Variants in AEBP2 observed in about 807,000 individuals in gnomAD.
The protein encoded by AEBP2 is AE binding protein 2, also known as zinc finger protein AEBP2.
In AEBP2, 10 loss-of-function variants were observed where a neutral mutation model predicts 50.8. The ratio of observed to expected loss-of-function variants is 0.20; its 90% CI spans 0.12 to 0.33. AEBP2 has a LOEUF of 0.33. Ranked by LOEUF, AEBP2 falls within the 10% of genes least tolerant of loss-of-function variation. The pLI, the probability that AEBP2 is intolerant of heterozygous loss-of-function variation, is 1.00. For missense variants in AEBP2, 570 were observed against 688.0 expected (o/e 0.83, Z 1.92); for synonymous variants, 296 against 261.3 (o/e 1.13, Z -1.28).
intron 2 of AEBP2, among the ~76,000 whole-genome samples, chr12:19,463,216 A>G (rs1948409251): frequency 6.6e-6 from 1 of 152,206 alleles, no homozygotes; most frequent in Non-Finnish European, 1.5e-5. Context: ...GCTGATTTAG[A>G]TGGAAAGTTC....
At chr12:19,500,718 T>C (rs139955959) in intron 5 of AEBP2, among the ~76,000 whole-genome samples, 179 of 152,322 alleles carry the variant, frequency 1.2e-3, no homozygotes, top group Non-Finnish European at 2.1e-3. Flanking sequence ...GATTTTAGTC[T>C]CTTTTGTTCC....
chr12:19,412,605 T>TA (rs1592702034), intron 1 of AEBP2, among the ~76,000 whole-genome samples: 9 of 151,934 alleles, frequency 5.9e-5, no homozygotes, highest in Admixed American at 5.9e-4. Flanking sequence ...TTATTATTAT[T>TA]TTTAATTTTA....
At chr12:19,428,664 T>G (rs1377088862) in intron 1 of AEBP2, among the ~76,000 whole-genome samples, 2 of 152,070 alleles carry the variant, frequency 1.3e-5, no homozygotes, top group Non-Finnish European at 2.9e-5. Flanking sequence ...ATACAACAAA[T>G]TAGCTGGGTG....
intron 3 of AEBP2, among the ~76,000 whole-genome samples, chr12:19,476,033 A>G (rs1948644384): frequency 6.6e-6 from 1 of 152,002 alleles, no homozygotes; most frequent in South Asian, 2.1e-4. Flanking sequence ...TCTGCTGATT[A>G]TTTCTTTTTA....
chr12:19,487,939 G>A (rs1041356094), intron 3 of AEBP2, among the ~76,000 whole-genome samples: 3 of 152,098 alleles, frequency 2.0e-5, no homozygotes, highest in African/African-American at 7.2e-5. Context: ...TGGTGCGCAA[G>A]ATGAAGTAAG....
At chr12:19,465,400 A>C (rs529429496) in intron 2 of AEBP2, among the ~76,000 whole-genome samples, 1 of 151,814 alleles carries the variant, frequency 6.6e-6, no homozygotes, top group Non-Finnish European at 1.5e-5. Context: ...TCTCAAAAAA[A>C]AAATAAATAA....
At chr12:19,463,710 G>T (rs1015366938) in intron 2 of AEBP2, among the ~76,000 whole-genome samples, 13 of 107,806 alleles carry the variant, frequency 1.2e-4, no homozygotes, top group African/African-American at 4.8e-4. Flanking sequence ...GTCTCACTCT[G>T]TTGCCCAGGC....
chr12:19,514,610 C>T, intron 6 of AEBP2, 61 bp from the exon 7 acceptor site: 3 of 1,285,316 alleles, frequency 2.3e-6, no homozygotes, highest in South Asian at 1.3e-5. Context: ...TGTGAAGGCA[C>T]ATGGAAGTGT....
At chr12:19,514,831 TC>T (rs1308642755) in intron 7 of AEBP2, 47 bp downstream of exon 7, 1 of 1,438,890 alleles carries the variant, frequency 6.9e-7, no homozygotes, top group African/African-American at 1.4e-5. Flanking sequence ...TTTGTAATTT[TC>T]TCTCCCCAAA....
At chr12:19,486,141 G>T (rs1184055925) in intron 3 of AEBP2, among the ~76,000 whole-genome samples, 2 of 151,912 alleles carry the variant, frequency 1.3e-5, no homozygotes, top group Admixed American at 6.6e-5. Flanking sequence ...CTCTTCTCCT[G>T]CCCTCCACCC....
chr12:19,501,637 GA>G (rs34429958), intron 5 of AEBP2, among the ~76,000 whole-genome samples: 5 of 91,084 alleles, frequency 5.5e-5, no homozygotes, highest in African/African-American at 1.2e-4. Flanking sequence ...ACCCTGTCTG[GA>G]AAAAAAAAAA....
intron 3 of AEBP2, among the ~76,000 whole-genome samples, chr12:19,489,096 A>G (rs571457709): frequency 7.9e-5 from 12 of 152,272 alleles, no homozygotes; most frequent in Non-Finnish European, 1.8e-4. Context: ...GCCAACATAC[A>G]TTAATATATA....
chr12:19,415,831 A>G (rs35813783), intron 1 of AEBP2, among the ~76,000 whole-genome samples: 13,919 of 152,208 alleles, frequency 0.091, 719 homozygotes, highest in Middle Eastern at 0.15. Context: ...GTCTCTGGCC[A>G]AGAACACTAG....
chr12:19,419,928 C>T (rs985990316), intron 1 of AEBP2, among the ~76,000 whole-genome samples: 8 of 152,012 alleles, frequency 5.3e-5, no homozygotes, highest in African/African-American at 1.9e-4. Context: ...AGACTCCGTC[C>T]TTCCAAAACA....
Position 19,457,466 on chromosome 12 carries a change from A to G in AEBP2, c.672-5044A>G. The stretch of plus-strand genomic sequence containing the variant: ...CACGTTCACGCTCAGCTTTCAGTTT[A>G]TCCAAGACCCAGGCCTACTTGAAGG... On this transcript the variant is annotated intron_variant, in intron 1 of 7. Transcript: ENST00000266508. The G allele has an allele frequency of 3.3e-6, 5 of 1,514,984 alleles. No homozygotes were observed. In the Admixed American group the frequency reaches 7.6e-5, roughly 23 times the overall value. The allele number at this position is 1,514,984 out of a possible 1,614,324, so 93.8% of individuals were successfully genotyped here.
chr12:19,484,329 T>C (rs1948774825), intron 3 of AEBP2, among the ~76,000 whole-genome samples: 1 of 149,460 alleles, frequency 6.7e-6, no homozygotes, highest in African/African-American at 2.5e-5. Context: ...GGTCTTGGAC[T>C]TCTGGTGATC....
At chr12:19,505,364 C>T (rs1393678098) in intron 5 of AEBP2, among the ~76,000 whole-genome samples, 1 of 152,138 alleles carries the variant, frequency 6.6e-6, no homozygotes, top group African/African-American at 2.4e-5. Context: ...TATTGAGCAC[C>T]TACTGTGAGC....
In AEBP2 at chr12:19,493,882, ACTC is replaced by A. The variant is rs1358500521; in HGVS notation, c.1074_1076del (p.Ser359del). The A allele has an allele frequency of 1.9e-6, 3 of 1,613,856 alleles. No homozygotes were observed. The highest frequency in any genetic ancestry group is 1.1e-5 in the South Asian group (1 of 91,042). On this transcript the variant is annotated inframe_deletion, in exon 4 of 8. Coordinates refer to ENST00000266508, the MANE Select transcript of AEBP2 (RefSeq NM_153207.5). ...GTACCCACACACTTCAGTCAGCAGAACTCCTCAAAAGTTTCTAGCCAGCCAAAG... is the reference window on the plus strand; with the variant it reads ...GTACCCACACACTTCAGTCAGCAGAACTCAAAAGTTTCTAGCCAGCCAAAG...
chr12:19,483,318 A>C (rs1948757603), intron 3 of AEBP2, among the ~76,000 whole-genome samples: 1 of 152,060 alleles, frequency 6.6e-6, no homozygotes, highest in African/African-American at 2.4e-5. Flanking sequence ...TTTCAGCCCT[A>C]GGTAAGGTTA....
Sources: gnomAD v4.1 joint callset for allele counts (sites outside exome capture counted in the v4.1 genomes callset) on GRCh38, gnomAD v4.1.1 for gene constraint, MANE v1.5 for transcripts, NCBI Gene and HGNC (gene_info 2026-07-23, HGNC 2026-07-21) for gene names.